ABTB3: variants seen among roughly 807,000 people sequenced by gnomAD.
ABTB3 encodes ankyrin repeat and BTB domain containing 3.
At chr12:107,619,427 T>G in the ABTB3 span, among the ~76,000 whole-genome samples, 1 of 152,170 alleles carries the variant, frequency 6.6e-6, no homozygotes, top group African/African-American at 2.4e-5. Flanking sequence ...CTCCCATGTC[T>G]TCTTATTCGG....
the ABTB3 span, among the ~76,000 whole-genome samples, chr12:107,560,169 G>A: frequency 0.017 from 2,624 of 152,208 alleles, 74 homozygotes; most frequent in African/African-American, 0.058. Context: ...TGACTGTACC[G>A]TAATTTGCCT....
At chr12:107,602,252 C>T in the ABTB3 span, among the ~76,000 whole-genome samples, 1 of 152,244 alleles carries the variant, frequency 6.6e-6, no homozygotes, top group Non-Finnish European at 1.5e-5. Flanking sequence ...GGCAGCCTTC[C>T]TGGGGGCCAG....
At chr12:107,621,281 C>A in the ABTB3 span, among the ~76,000 whole-genome samples, 1 of 152,116 alleles carries the variant, frequency 6.6e-6, no homozygotes, top group East Asian at 1.9e-4. Flanking sequence ...GCAGGTGCAC[C>A]AGGCCTAGGG....
the ABTB3 span, among the ~76,000 whole-genome samples, chr12:107,486,005 T>G: frequency 2.6e-5 from 4 of 152,174 alleles, no homozygotes; most frequent in African/African-American, 9.7e-5. Flanking sequence ...TAAACAAGAT[T>G]CTTGGATTCC....
At chr12:107,448,797 C>T in the ABTB3 span, among the ~76,000 whole-genome samples, 2 of 152,158 alleles carry the variant, frequency 1.3e-5, no homozygotes, top group Non-Finnish European at 2.9e-5. Flanking sequence ...CCCACCACAC[C>T]TGGCCTCAGG....
chr12:107,387,344 A>C, the ABTB3 span, among the ~76,000 whole-genome samples: 1 of 152,168 alleles, frequency 6.6e-6, no homozygotes, highest in Admixed American at 6.5e-5. Flanking sequence ...TCCTGCGGGT[A>C]AGTCTCTTTT....
chr12:107,654,593 C>T, the ABTB3 span, among the ~76,000 whole-genome samples: 1 of 152,194 alleles, frequency 6.6e-6, no homozygotes, highest in Non-Finnish European at 1.5e-5. Flanking sequence ...GCCACCGCGC[C>T]TGGCCTCAAA....
chr12:107,648,305 C>T, the ABTB3 span, among the ~76,000 whole-genome samples: 41 of 151,506 alleles, frequency 2.7e-4, no homozygotes, highest in African/African-American at 9.0e-4. Flanking sequence ...TGCTTGAACC[C>T]GGGAGGTGGA....
At chr12:107,422,150 A>AG in the ABTB3 span, among the ~76,000 whole-genome samples, 1 of 152,280 alleles carries the variant, frequency 6.6e-6, no homozygotes. Flanking sequence ...GAGCAAAGAG[A>AG]GGGATCCAGG....
the ABTB3 span, among the ~76,000 whole-genome samples, chr12:107,578,476 A>T: frequency 0.15 from 21,247 of 143,478 alleles, 1,660 homozygotes; most frequent in East Asian, 0.29. Context: ...GGCATCTAAC[A>T]TGAAAGGCAG....
At chr12:107,633,440 G>A in the ABTB3 span, among the ~76,000 whole-genome samples, 1 of 152,186 alleles carries the variant, frequency 6.6e-6, no homozygotes, top group African/African-American at 2.4e-5. Flanking sequence ...AATTACTCCT[G>A]CAAAGTCGCT....
At chr12:107,489,509 A>C in the ABTB3 span, among the ~76,000 whole-genome samples, 1 of 152,054 alleles carries the variant, frequency 6.6e-6, no homozygotes, top group Non-Finnish European at 1.5e-5. Context: ...GACGAGCAAA[A>C]CTCCATCTCA....
the ABTB3 span, among the ~76,000 whole-genome samples, chr12:107,631,607 A>T: frequency 1.3e-5 from 2 of 152,144 alleles, no homozygotes; most frequent in South Asian, 2.1e-4. Context: ...TCATTGTCAT[A>T]TCTCTTAGGC....
chr12:107,381,615 A>G, the ABTB3 span, among the ~76,000 whole-genome samples: 5 of 152,232 alleles, frequency 3.3e-5, 1 homozygote, highest in Admixed American at 1.3e-4. Context: ...GAGGCTGGAA[A>G]GGAGATTAGA....
chr12:107,581,431 G>T, the ABTB3 span: 1 of 751,774 alleles, frequency 1.3e-6, no homozygotes, highest in Non-Finnish European at 1.8e-6. Flanking sequence ...TGGGGTGGAG[G>T]CTCCCTGGTT....
At chr12:107,549,786 G>C in the ABTB3 span, among the ~76,000 whole-genome samples, 1 of 152,286 alleles carries the variant, frequency 6.6e-6, no homozygotes, top group East Asian at 1.9e-4. Flanking sequence ...CTGGCCTGGA[G>C]GTACCAGAAA....
chr12:107,357,782 C>T, the ABTB3 span, among the ~76,000 whole-genome samples: 3 of 152,252 alleles, frequency 2.0e-5, no homozygotes, highest in Non-Finnish European at 4.4e-5. Flanking sequence ...CCACTGTCCA[C>T]TCAGACTACA....
the ABTB3 span, among the ~76,000 whole-genome samples, chr12:107,572,097 A>G: frequency 6.6e-6 from 1 of 152,202 alleles, no homozygotes; most frequent in Non-Finnish European, 1.5e-5. Context: ...TAATGTTGAC[A>G]TGAGATTCTC....
the ABTB3 span, among the ~76,000 whole-genome samples, chr12:107,563,775 G>A: frequency 6.6e-6 from 1 of 152,146 alleles, no homozygotes; most frequent in Non-Finnish European, 1.5e-5. Flanking sequence ...AAGAGCAGAG[G>A]CCAAGACAGG....
Sources: gnomAD v4.1 joint callset for allele counts (sites outside exome capture counted in the v4.1 genomes callset) on GRCh38, gnomAD v4.1.1 for gene constraint, MANE v1.5 for transcripts, NCBI Gene and HGNC (gene_info 2026-07-23, HGNC 2026-07-21) for gene names.